The following SEMA4A variants were observed in gnomAD, a reference collection of about 807,000 sequenced individuals.
SEMA4A encodes semaphorin 4A.
A neutral mutation model predicts 72.5 loss-of-function variants in SEMA4A; 52 were observed. The ratio of observed to expected loss-of-function variants is 0.72; its 90% confidence interval spans 0.57 to 0.90. The LOEUF (loss-of-function observed/expected upper bound fraction) is 0.90. Among genes scored for constraint, SEMA4A ranks in the 40% least tolerant of loss-of-function variants. SEMA4A has a pLI of 0.00. For synonymous variants in SEMA4A, 369 were observed against 393.1 expected (o/e 0.94, Z 0.73); for missense variants, 926 against 959.7 (o/e 0.96, Z 0.46).
intron 10 of SEMA4A, among the ~76,000 whole-genome samples, chr1:156,167,955 CTG>C (rs1256995384): frequency 6.6e-6 from 1 of 152,146 alleles, no homozygotes. Flanking sequence ...AAGTCTCACT[CTG>C]TTGCCCAGGC....
chr1:156,156,590 A>G lies in SEMA4A; in HGVS notation c.300+16A>G. 1 of 1,613,482 alleles carries G rather than the reference A, an allele frequency of 6.2e-7. No homozygotes were observed. The highest frequency in any genetic ancestry group is 1.7e-5 in the Admixed American group (1 of 59,988). On this transcript the variant is annotated intron_variant, in intron 3 of 14. Transcript: ENST00000368285. ...AAAGAACATGGTGAGGAGTCCAGGGATAAAGAGTGTGGGCTGGGAGTGAAG... is the reference window on the plus strand; with the variant it reads ...AAAGAACATGGTGAGGAGTCCAGGGGTAAAGAGTGTGGGCTGGGAGTGAAG...
chr1:156,167,951 C>T (rs1213586163), intron 10 of SEMA4A, among the ~76,000 whole-genome samples: 1 of 152,106 alleles, frequency 6.6e-6, no homozygotes, highest in African/African-American at 2.4e-5. Flanking sequence ...GATGAAGTCT[C>T]ACTCTGTTGC....
At chr1:156,148,166 A>C (rs1652243927), upstream of SEMA4A, among the ~76,000 whole-genome samples, 1 of 152,156 alleles carries the variant, frequency 6.6e-6, no homozygotes, top group Non-Finnish European at 1.5e-5. Flanking sequence ...AAGGGAAGAA[A>C]ATAGGGGCAG....
In SEMA4A at chr1:156,177,481, T is replaced by A. The variant is rs1655460554; in HGVS notation, c.*484T>A. The A allele has an allele frequency of 4.2e-6, 1 of 235,386 alleles. No individual in the cohort carries two copies. The highest frequency in any genetic ancestry group is 5.2e-5 in the Admixed American group (1 of 19,256). 14.6% of individuals were successfully genotyped at this position (235,386 alleles called of 1,614,324 possible). ...CTTCTCCCAGGGTCATGCAGGGATCTGCTCCCTCCTGCTTCCCTTACCAGT... is the reference window on the plus strand; with the variant it reads ...CTTCTCCCAGGGTCATGCAGGGATCAGCTCCCTCCTGCTTCCCTTACCAGT... On this transcript the variant is annotated 3_prime_UTR_variant, in exon 15 of 15. Coordinates refer to ENST00000368285, the MANE Select transcript of SEMA4A (RefSeq NM_022367.4).
At chr1:156,162,782 C>G (rs1653783858) in intron 9 of SEMA4A, among the ~76,000 whole-genome samples, 162 bp from the exon 10 acceptor site, 1 of 152,248 alleles carries the variant, frequency 6.6e-6, no homozygotes, top group South Asian at 2.1e-4. Flanking sequence ...ATGGGGCTCC[C>G]TTGGCCCTTA....
chr1:156,174,742 C>A lies in SEMA4A; in HGVS notation c.1316-80C>A. On this transcript the variant is annotated intron_variant, in intron 11 of 14. Transcript: ENST00000368285. Reference sequence around the variant, plus strand: ...ATCACCCTCAGAAGGAGCTTTCTTACAGCTGGGGAGGCCCCCGGAAGTTGG... The same window carrying A: ...ATCACCCTCAGAAGGAGCTTTCTTAAAGCTGGGGAGGCCCCCGGAAGTTGG... 4 of 1,587,366 alleles carry A rather than the reference C, an allele frequency of 2.5e-6. No homozygotes were observed. In the South Asian group the frequency reaches 3.3e-5, roughly 13 times the overall value.
At chr1:156,167,475 C>CAAAAAAAAAAAAAA (rs58793729) in intron 10 of SEMA4A, among the ~76,000 whole-genome samples, 3 of 103,602 alleles carry the variant, frequency 2.9e-5, no homozygotes, top group Non-Finnish European at 5.9e-5. Context: ...GACCCTGTCT[C>CAAAAAAAAAAAAAA]AAAAAAAAAA....
chr1:156,154,545 C>G lies in SEMA4A; in HGVS notation c.-29-5C>G, dbSNP rs772569491. On this transcript the variant is annotated splice_region_variant and splice_polypyrimidine_tract_variant and intron_variant, in intron 1 of 14. Transcript: ENST00000368285. ...CAGAAAGTGCCCGGGTGCCTGTTTC[C>G]CCAGAGCTCCCTGGTGACAGTCTGT... The G allele has an allele frequency of 3.7e-5, 60 of 1,601,014 alleles. No individual in the cohort carries two copies. In the South Asian group the frequency reaches 6.0e-4, roughly 16 times the overall value.
chr1:156,152,481 C>A (rs1396208087), upstream of SEMA4A, among the ~76,000 whole-genome samples: 1 of 152,170 alleles, frequency 6.6e-6, no homozygotes, highest in Non-Finnish European at 1.5e-5. Flanking sequence ...TGGGGAGACA[C>A]AGAAGGTAGG....
upstream of SEMA4A, among the ~76,000 whole-genome samples, chr1:156,148,806 T>TC (rs529335454): frequency 1.6e-3 from 238 of 148,638 alleles, 2 homozygotes; most frequent in African/African-American, 5.7e-3. Context: ...TTTTTCTTTT[T>TC]TTTTTTTTTT....
intron 10 of SEMA4A, among the ~76,000 whole-genome samples, chr1:156,163,635 C>T (rs1224922390): frequency 6.9e-6 from 1 of 145,974 alleles, no homozygotes; most frequent in African/African-American, 2.5e-5. Context: ...GCAGGAGAAT[C>T]GCTTGAACCC....
chr1:156,175,833 T>C lies in SEMA4A; in HGVS notation c.1693+177T>C, dbSNP rs1655274255. Reference sequence around the variant, plus strand: ...GGGAAGAGGCATAGGAATTCTGAGCTGGAGGCCAAGCTGGGATTCAGGATT... The same window carrying C: ...GGGAAGAGGCATAGGAATTCTGAGCCGGAGGCCAAGCTGGGATTCAGGATT... On this transcript the variant is annotated intron_variant, in intron 14 of 14. Coordinates refer to ENST00000368285, the MANE Select transcript of SEMA4A (RefSeq NM_022367.4). Among the ~76,000 whole-genome samples the C allele has an allele frequency of 2.6e-5, 4 of 152,326 alleles. No individual in the cohort carries two copies. The South Asian group carries it at 8.3e-4, about 32-fold the overall frequency.
chr1:156,161,412 T>A lies in SEMA4A; in HGVS notation c.877T>A (p.Cys293Ser). Residue 293 changes from cysteine (C) to serine (S), a missense_variant, in exon 9 of 15, where the codon TGC (cysteine) becomes AGC (serine). Cys to Ser is a moderately radical substitution (Grantham distance 112). Transcript: ENST00000368285. ...CACCTTCCTGAAGGCCCAGCTGCTC[T>A]GCACCCAGCCGGGGCAGCTGCCCTT... ...WTTFLKAQLL[C>S]TQPGQLPFNV... The A allele has an allele frequency of 6.2e-7, 1 of 1,601,556 alleles. No homozygotes were observed. Among genetic ancestry groups the A allele is most frequent in the Non-Finnish European group, 8.5e-7 (1 of 1,172,090 alleles).
intron 10 of SEMA4A, among the ~76,000 whole-genome samples, chr1:156,170,377 T>TGGGGTGAACC: frequency 7.0e-6 from 1 of 141,954 alleles, no homozygotes; most frequent in East Asian, 2.1e-4. Context: ...GGCAGGAGAA[T>TGGGGTGAACC]CGCTTGATTC....
rs761293482 is a variant in SEMA4A, at chr1:156,161,453, C to T, written c.918C>T (p.His306=). The change falls in exon 9 of 15, where the codon CAC becomes CAT. Residue 306 remains histidine (H), a synonymous_variant. Transcript: ENST00000368285. ...AGCTGCCCTTCAACGTCATCCGCCA[C>T]GCGGTCCTGCTCCCCGCCGATTCTC... ...PGQLPFNVIR[H]AVLLPADSPT... is the part of the protein sequence containing the mutation. 1 of 1,613,988 alleles carries T rather than the reference C, an allele frequency of 6.2e-7. No individual in the cohort carries two copies. The highest frequency in any genetic ancestry group is 8.5e-7 in the Non-Finnish European group (1 of 1,179,976).
intron 12 of SEMA4A, 52 bp downstream of exon 12, chr1:156,174,992 G>A (rs748386237): frequency 6.2e-7 from 1 of 1,614,178 alleles, no homozygotes; most frequent in South Asian, 1.1e-5. Context: ...TGGCCTTGGG[G>A]GCCTGTTGGG....
At chr1:156,155,481 G>A (rs1652925146) in intron 2 of SEMA4A, 1 of 152,570 alleles carries the variant, frequency 6.6e-6, no homozygotes, top group African/African-American at 2.4e-5. Context: ...ACAGTCACAA[G>A]GGGGAAGACA....
At chr1:156,161,603 A>C in intron 9 of SEMA4A, 85 bp downstream of exon 9, 2 of 1,476,468 alleles carry the variant, frequency 1.4e-6, no homozygotes, top group Non-Finnish European at 9.4e-7. Flanking sequence ...GCAGGAATTG[A>C]CATGAGCCAG....
intron 13 of SEMA4A, 140 bp downstream of exon 13, chr1:156,175,383 A>G: frequency 8.1e-7 from 1 of 1,227,728 alleles, no homozygotes; most frequent in Non-Finnish European, 1.2e-6. Flanking sequence ...GGGTTCCTCC[A>G]GGGATGGAGT....
Sources: allele counts gnomAD v4.1 joint callset (sites outside exome capture counted in the v4.1 genomes callset), GRCh38; gene constraint gnomAD v4.1.1; transcripts MANE v1.5; gene names NCBI Gene and HGNC (gene_info 2026-07-23, HGNC 2026-07-21).